The following SIPA1L1 variants were observed in gnomAD, a reference collection of about 807,000 sequenced individuals.
SIPA1L1 encodes the protein signal-induced proliferation-associated 1-like protein 1.
In SIPA1L1, 26 loss-of-function variants were observed where a neutral mutation model predicts 162.7. The ratio of observed to expected loss-of-function variants is 0.16; its 90% CI spans 0.12 to 0.22. The LOEUF (loss-of-function observed/expected upper bound fraction) is 0.22. Among genes scored for constraint, SIPA1L1 ranks in the 10% least tolerant of loss-of-function variants. The pLI is 1.00. For synonymous variants in SIPA1L1, 829 were observed against 837.4 expected (o/e 0.99, Z 0.17); for missense variants, 1,874 against 2,241.0 (o/e 0.84, Z 3.31).
At chr14:71,619,919 CAT>C (rs1225554886) in intron 6 of SIPA1L1, among the ~76,000 whole-genome samples, 1 of 152,214 alleles carries the variant, frequency 6.6e-6, no homozygotes, top group African/African-American at 2.4e-5. Context: ...AACATACTCT[CAT>C]GTGCTTTTTC....
At chr14:71,686,359 T>C (rs766343845) in intron 13 of SIPA1L1, among the ~76,000 whole-genome samples, 41 of 152,194 alleles carry the variant, frequency 2.7e-4, no homozygotes, top group Non-Finnish European at 5.3e-4. Flanking sequence ...CTGCAGCACT[T>C]TGAACTAGAG....
chr14:71,691,549 C>T (rs1202695632), intron 13 of SIPA1L1, among the ~76,000 whole-genome samples: 11 of 152,314 alleles, frequency 7.2e-5, no homozygotes, highest in Non-Finnish European at 1.5e-4. Context: ...GCCGTGATCA[C>T]GCCACTGCAC....
intron 2 of SIPA1L1, chr14:71,321,485 C>G (rs2032944114): frequency 2.0e-5 from 3 of 152,556 alleles, no homozygotes; most frequent in African/African-American, 4.8e-5. Flanking sequence ...GCGTCCACCC[C>G]GCTGAGCTGG....
At chr14:71,646,057 G>C (rs2042128594) in intron 7 of SIPA1L1, among the ~76,000 whole-genome samples, 1 of 152,180 alleles carries the variant, frequency 6.6e-6, no homozygotes, top group South Asian at 2.1e-4. Context: ...TTCTGAAGAA[G>C]ACTGAGAACT....
chr14:71,388,578 C>T (rs988203063), intron 2 of SIPA1L1, among the ~76,000 whole-genome samples: 1 of 152,204 alleles, frequency 6.6e-6, no homozygotes, highest in Non-Finnish European at 1.5e-5. Context: ...TTGGCCCACA[C>T]GTCACACGTG....
chr14:71,587,425 C>G (rs1228618306), intron 4 of SIPA1L1, 146 bp from the exon 5 acceptor site: 1 of 386,804 alleles, frequency 2.6e-6, no homozygotes, highest in African/African-American at 2.1e-5. Flanking sequence ...TTCTTTCAAA[C>G]CTGCTTTACT....
chr14:71,326,290 C>A (rs2033795488), intron 2 of SIPA1L1, among the ~76,000 whole-genome samples: 1 of 151,430 alleles, frequency 6.6e-6, no homozygotes, highest in South Asian at 2.1e-4. Context: ...CTCACTACAA[C>A]CTCTGCCTCC....
chr14:71,619,718 T>A (rs1275163392), intron 6 of SIPA1L1, among the ~76,000 whole-genome samples: 1 of 152,192 alleles, frequency 6.6e-6, no homozygotes, highest in South Asian at 2.1e-4. Context: ...TAGAAAATAA[T>A]GGTTTTGAAA....
At chr14:71,495,878 C>T (rs1041272595) in intron 2 of SIPA1L1, among the ~76,000 whole-genome samples, 1 of 105,098 alleles carries the variant, frequency 9.5e-6, no homozygotes, top group African/African-American at 3.8e-5. Flanking sequence ...AGTGACACTC[C>T]ATCTCTACAA....
intron 17 of SIPA1L1, among the ~76,000 whole-genome samples, chr14:71,710,203 A>T (rs576319771): frequency 2.6e-5 from 4 of 152,252 alleles, no homozygotes; most frequent in East Asian, 1.9e-4. Context: ...AGAGTGGGGG[A>T]TGTCCAATAG....
At chr14:71,482,736 T>C (rs1184667787) in intron 2 of SIPA1L1, among the ~76,000 whole-genome samples, 1 of 152,232 alleles carries the variant, frequency 6.6e-6, no homozygotes, top group Non-Finnish European at 1.5e-5. Context: ...AGTCCTTGTC[T>C]GGGTTCAAAG....
intron 2 of SIPA1L1, among the ~76,000 whole-genome samples, chr14:71,342,208 TGCC>T (rs2035730074): frequency 6.6e-6 from 1 of 152,194 alleles, no homozygotes; most frequent in African/African-American, 2.4e-5. Flanking sequence ...TTTGCCTTGT[TGCC>T]CAGGCTGGTC....
intron 5 of SIPA1L1, among the ~76,000 whole-genome samples, chr14:71,612,845 A>G (rs1294260467): frequency 6.6e-6 from 1 of 152,196 alleles, no homozygotes; most frequent in Non-Finnish European, 1.5e-5. Context: ...TGAAATTTTT[A>G]TTATAATCAT....
At chr14:71,643,434 TTG>T (rs1567381897) in intron 7 of SIPA1L1, among the ~76,000 whole-genome samples, 3 of 152,232 alleles carry the variant, frequency 2.0e-5, no homozygotes, top group East Asian at 1.9e-4. Flanking sequence ...TAAGACTTTT[TTG>T]TGTGTTTACC....
At chr14:71,528,365 T>C (rs1392892621) in intron 3 of SIPA1L1, among the ~76,000 whole-genome samples, 1 of 152,180 alleles carries the variant, frequency 6.6e-6, no homozygotes, top group Non-Finnish European at 1.5e-5. Flanking sequence ...TTAATAATTC[T>C]ATTTTTCAGC....
intron 16 of SIPA1L1, among the ~76,000 whole-genome samples, chr14:71,706,784 A>G (rs958840447): frequency 1.1e-4 from 16 of 152,166 alleles, no homozygotes; most frequent in African/African-American, 3.9e-4. Context: ...CTGTAATCCT[A>G]GCACTTTGGA....
At chr14:71,631,723 C>T (rs573292578) in intron 7 of SIPA1L1, among the ~76,000 whole-genome samples, 1 of 152,252 alleles carries the variant, frequency 6.6e-6, no homozygotes, top group African/African-American at 2.4e-5. Flanking sequence ...TTTCTTTTTA[C>T]AACTTTACTA....
intron 2 of SIPA1L1, among the ~76,000 whole-genome samples, chr14:71,387,374 G>A (rs1000197544): frequency 1.3e-5 from 2 of 152,150 alleles, no homozygotes; most frequent in Admixed American, 6.6e-5. Context: ...TCCTCAGAAG[G>A]CTGAGGTGGG....
chr14:71,333,385 AG>A (rs2034766537), intron 2 of SIPA1L1, among the ~76,000 whole-genome samples: 2 of 152,248 alleles, frequency 1.3e-5, no homozygotes, highest in Non-Finnish European at 2.9e-5. Context: ...AGTAATATTC[AG>A]AGTTCCTAGT....
Sources: allele counts gnomAD v4.1 joint callset (sites outside exome capture counted in the v4.1 genomes callset), GRCh38; gene constraint gnomAD v4.1.1; transcripts MANE v1.5; gene names NCBI Gene and HGNC (gene_info 2026-07-23, HGNC 2026-07-21).